DCAF5: variants seen among roughly 807,000 people sequenced by gnomAD.
DCAF5 encodes DDB1- and CUL4-associated factor 5.
A neutral mutation model predicts 80.7 loss-of-function variants in DCAF5; 9 were observed. That is an observed-to-expected ratio of 0.11 (90% CI 0.07 to 0.19). The LOEUF (loss-of-function observed/expected upper bound fraction) is 0.19, where lower values mean the gene tolerates loss of function less well. Ranked by LOEUF, DCAF5 falls within the 10% of genes least tolerant of loss-of-function variation. The pLI is 1.00. For synonymous variants in DCAF5, 433 were observed against 461.9 expected (o/e 0.94, Z 0.80); for missense variants, 842 against 1,205.7 (o/e 0.70, Z 4.47).
At chr14:69,063,455 A>G (rs1464223860) in intron 7 of DCAF5, among the ~76,000 whole-genome samples, 1 of 152,220 alleles carries the variant, frequency 6.6e-6, no homozygotes, top group African/African-American at 2.4e-5. Context: ...GCATTTGGCT[A>G]ACTGGCAAAA....
chr14:69,112,216 A>G (rs1044988884), intron 5 of DCAF5, among the ~76,000 whole-genome samples: 3 of 152,210 alleles, frequency 2.0e-5, no homozygotes, highest in Non-Finnish European at 4.4e-5. Flanking sequence ...AATAAATAGT[A>G]TATGCAGATT....
intron 1 of DCAF5, among the ~76,000 whole-genome samples, chr14:69,141,371 T>C (rs546234302): frequency 2.0e-5 from 3 of 152,184 alleles, no homozygotes; most frequent in African/African-American, 4.8e-5. Flanking sequence ...TTTATTATTA[T>C]ACTTTAAGTT....
At chr14:69,083,783 G>A (rs2039208736) in intron 6 of DCAF5, 7 of 694,430 alleles carry the variant, frequency 1.0e-5, no homozygotes, top group Non-Finnish European at 2.6e-6. Context: ...GAAAACAAAG[G>A]GGAATCTGAA....
intron 1 of DCAF5, among the ~76,000 whole-genome samples, chr14:69,143,553 C>CTTTTTTTTTT (rs562355110): frequency 9.8e-6 from 1 of 102,202 alleles, no homozygotes; most frequent in Non-Finnish European, 1.9e-5. Context: ...ATCTGTTAAA[C>CTTTTTTTTTT]TTTTTTTTTT....
rs78207357 is a variant in DCAF5 at position 69,100,153 on chromosome 14, A to T, written c.666-8266T>A. ...TGATGGATATATGGATATCAATAGG[A>T]AGATACATTAACTAGACTATAGAAC... On this transcript the variant is annotated intron_variant, in intron 5 of 8. Transcript: ENST00000341516. Among the ~76,000 whole-genome samples the T allele has an allele frequency of 2.8e-3, 424 of 152,336 alleles. 2 individuals carry two copies. The highest frequency in any genetic ancestry group is 9.9e-3 in the African/African-American group (411 of 41,596).
intron 7 of DCAF5, among the ~76,000 whole-genome samples, chr14:69,063,582 T>C (rs1355824031): frequency 2.6e-5 from 4 of 152,238 alleles, no homozygotes; most frequent in Non-Finnish European, 4.4e-5. Flanking sequence ...AGACAGTCTC[T>C]GCTCCAAGTG....
chr14:69,126,764 T>C (rs1224980915), intron 1 of DCAF5, among the ~76,000 whole-genome samples: 1 of 152,126 alleles, frequency 6.6e-6, no homozygotes, highest in Non-Finnish European at 1.5e-5. Context: ...GTAAGTATAA[T>C]CAACTGATCT....
chr14:69,063,288 A>C (rs1330695650), intron 7 of DCAF5, among the ~76,000 whole-genome samples: 1 of 152,236 alleles, frequency 6.6e-6, no homozygotes, highest in African/African-American at 2.4e-5. Context: ...GGAACTTGTA[A>C]CATAGATAAA....
rs556680610 is a variant in DCAF5 at position 69,084,395 on chromosome 14, G to T, written c.879+7279C>A. 2.7e-3 allele frequency: 2,455 copies of T among 910,944 alleles called. 39 individuals carry two copies. Among genetic ancestry groups the T allele is most frequent in the South Asian group, 0.025 (1,942 of 77,000 alleles). The allele number at this position is 910,944 out of a possible 1,614,324, so 56.4% of individuals were successfully genotyped here. A position where few individuals can be genotyped will look rare whatever the true frequency, so the allele number is the denominator to read the frequency against. ...TATCGATGAAGCTGATCGTATCTTG[G>T]ATGTTGAGTTTGAAGAGGAATTAAA... On this transcript the variant is annotated intron_variant, in intron 6 of 8. Coordinates refer to ENST00000341516, the MANE Select transcript of DCAF5 (RefSeq NM_003861.3).
intron 1 of DCAF5, among the ~76,000 whole-genome samples, chr14:69,130,229 C>T (rs1235655049): frequency 6.6e-6 from 1 of 152,090 alleles, no homozygotes; most frequent in Non-Finnish European, 1.5e-5. Context: ...AATTCTGGGT[C>T]GAATATTCCT....
At position 69,128,607 on chromosome 14, in the gene DCAF5, T is replaced by C. The variant is rs572754474; in HGVS notation, c.215-6247A>G. Among the ~76,000 whole-genome samples, 48 of 152,246 alleles carry C rather than the reference T, an allele frequency of 3.2e-4. 1 individual carries two copies. In the South Asian group the frequency reaches 9.1e-3, roughly 29 times the overall value. ...GACCTACAGCACAGTCTCTCCTGAA[T>C]TGAAGCAGCTTAAGTAAAAACAGAA... On this transcript the variant is annotated intron_variant, in intron 1 of 8. Coordinates refer to ENST00000341516, the MANE Select transcript of DCAF5 (RefSeq NM_003861.3).
chr14:69,065,033 C>T (rs1255931808), intron 7 of DCAF5, among the ~76,000 whole-genome samples: 1 of 151,214 alleles, frequency 6.6e-6, no homozygotes, highest in Admixed American at 6.6e-5. Flanking sequence ...TGAAGGCTAT[C>T]AATGCCTGAA....
At chr14:69,149,738 C>T (rs1484660436) in intron 1 of DCAF5, among the ~76,000 whole-genome samples, 1 of 152,188 alleles carries the variant, frequency 6.6e-6, no homozygotes, top group African/African-American at 2.4e-5. Context: ...AGACAAGACA[C>T]AAGAACAACA....
At chr14:69,109,536 C>T (rs2040281452) in intron 5 of DCAF5, among the ~76,000 whole-genome samples, 1 of 152,056 alleles carries the variant, frequency 6.6e-6, no homozygotes, top group Non-Finnish European at 1.5e-5. Context: ...CCATAACTTG[C>T]CTGTTCTTGA....
At chr14:69,069,640 C>T (rs1313994890) in intron 7 of DCAF5, among the ~76,000 whole-genome samples, 1 of 151,998 alleles carries the variant, frequency 6.6e-6, no homozygotes, top group Non-Finnish European at 1.5e-5. Context: ...TTTCTTCTTT[C>T]TTTTTATTAT....
At chr14:69,082,545 C>T (rs2039148375) in intron 6 of DCAF5, among the ~76,000 whole-genome samples, 2 of 152,184 alleles carry the variant, frequency 1.3e-5, no homozygotes, top group Non-Finnish European at 2.9e-5. Flanking sequence ...AAATTACCAA[C>T]AGCTGGTTAT....
chr14:69,051,295 T>G lies in DCAF5; in HGVS notation c.*2562A>C, dbSNP rs370362523. 66 of 152,718 alleles carry G rather than the reference T, an allele frequency of 4.3e-4. No homozygotes were observed. The highest frequency in any genetic ancestry group is 1.5e-3 in the African/African-American group (63 of 41,548). The allele number at this position is 152,718 out of a possible 1,614,324, so 9.5% of individuals were successfully genotyped here. On this transcript the variant is annotated 3_prime_UTR_variant, in exon 9 of 9. Transcript: ENST00000341516. ...TAAAAATATCTATTATGGAAGAAAT[T>G]GGGTATTAAATGTGCCATCAAAGTT...
intron 1 of DCAF5, among the ~76,000 whole-genome samples, chr14:69,138,532 A>C (rs2140107946): frequency 6.6e-6 from 1 of 152,348 alleles, no homozygotes; most frequent in South Asian, 2.1e-4. Context: ...TAAGCCACTT[A>C]GGAGTTTAAC....
intron 6 of DCAF5, among the ~76,000 whole-genome samples, chr14:69,076,838 G>A (rs930380439): frequency 6.6e-6 from 1 of 152,160 alleles, no homozygotes; most frequent in African/African-American, 2.4e-5. Flanking sequence ...GTAAAAACTA[G>A]GAGCTTCCCA....
Sources: allele counts gnomAD v4.1 joint callset (sites outside exome capture counted in the v4.1 genomes callset), GRCh38; gene constraint gnomAD v4.1.1; transcripts MANE v1.5; gene names NCBI Gene and HGNC (gene_info 2026-07-23, HGNC 2026-07-21).